The following KLHL3 variants were observed in gnomAD, a reference collection of about 807,000 sequenced individuals.
The protein encoded by KLHL3 is kelch-like protein 3.
Under a neutral mutation model 70.5 loss-of-function variants are expected in KLHL3, and 19 were observed. That is an observed-to-expected ratio of 0.27 (90% CI 0.19 to 0.40). KLHL3 has a LOEUF of 0.40. KLHL3 is among the 10% of genes least tolerant of loss of function. The pLI is 1.00. For missense variants in KLHL3, 512 were observed against 771.1 expected, an observed-to-expected ratio of 0.66 and a Z score of 3.98; for synonymous variants, 258 against 290.3, an observed-to-expected ratio of 0.89 and a Z score of 1.13.
At chr5:137,672,879 A>T (rs1225258040) in intron 6 of KLHL3, 2 of 152,186 alleles carry the variant, frequency 1.3e-5, no homozygotes, top group Non-Finnish European at 2.9e-5. Context: ...AATACAATAA[A>T]CATGCCGTCA....
intron 3 of KLHL3, among the ~76,000 whole-genome samples, chr5:137,704,711 G>C (rs1409282944): frequency 6.6e-6 from 1 of 152,170 alleles, no homozygotes; most frequent in East Asian, 1.9e-4. Context: ...CTATTCCTGA[G>C]CACCACACAG....
chr5:137,731,533 C>T (rs1753173960), intron 1 of KLHL3, among the ~76,000 whole-genome samples: 1 of 152,250 alleles, frequency 6.6e-6, no homozygotes, highest in Non-Finnish European at 1.5e-5. Flanking sequence ...CTCTATCTGT[C>T]GTTCCTGGAT....
chr5:137,706,736 T>C (rs1449941966), intron 3 of KLHL3, among the ~76,000 whole-genome samples: 1 of 152,250 alleles, frequency 6.6e-6, no homozygotes, highest in Non-Finnish European at 1.5e-5. Context: ...AGGTTGTAAC[T>C]GCAATTTCAT....
intron 6 of KLHL3, among the ~76,000 whole-genome samples, chr5:137,669,800 C>A (rs1233842714): frequency 1.3e-5 from 2 of 152,126 alleles, no homozygotes; most frequent in African/African-American, 4.8e-5. Flanking sequence ...AAGATTTGAG[C>A]CATACGCAAA....
intron 6 of KLHL3, among the ~76,000 whole-genome samples, chr5:137,663,636 C>A (rs1751542828): frequency 1.3e-5 from 2 of 152,138 alleles, no homozygotes; most frequent in African/African-American, 4.8e-5. Context: ...GGTGTTGCAG[C>A]AAATTCAAAT....
chr5:137,716,890 G>A (rs1329045684), intron 2 of KLHL3, among the ~76,000 whole-genome samples: 4 of 152,244 alleles, frequency 2.6e-5, no homozygotes, highest in African/African-American at 9.6e-5. Context: ...CGGTTACCAA[G>A]AGAGGGGGTC....
At chr5:137,633,979 T>G (rs112258494) in intron 12 of KLHL3, 58 bp downstream of exon 12, 53,227 of 1,610,242 alleles carry the variant, frequency 0.033, 1,024 homozygotes, top group Non-Finnish European at 0.039. Flanking sequence ...ACAAAAAAAT[T>G]TAAGGACCCA....
At position 137,639,776 on chromosome 5, in the gene KLHL3, G is replaced by A; in HGVS notation, c.1021+84C>T. 1 of 970,296 alleles carries A rather than the reference G, an allele frequency of 1.0e-6. No homozygotes were observed. Among genetic ancestry groups the A allele is most frequent in the South Asian group, 1.4e-5 (1 of 73,636 alleles). 60.1% of individuals were successfully genotyped at this position (970,296 alleles called of 1,614,324 possible). On this transcript the variant is annotated intron_variant, in intron 9 of 14. Transcript: ENST00000309755. This position sits in a 1 kb window ranked among gnomAD's most constrained non-coding sequence, Gnocchi z 5.0. ...AGCCTGAAATGCACAGATGCTTGAG[G>A]AAACAAGGAGTAGCTCACGACTTCT...
At chr5:137,640,878 A>G (rs954106973) in intron 8 of KLHL3, among the ~76,000 whole-genome samples, 3 of 151,728 alleles carry the variant, frequency 2.0e-5, no homozygotes, top group African/African-American at 7.2e-5. Flanking sequence ...TTTTAAAAGC[A>G]CAGAAAATAT....
intron 4 of KLHL3, among the ~76,000 whole-genome samples, chr5:137,697,047 C>T (rs1459375731): frequency 6.6e-6 from 1 of 152,172 alleles, no homozygotes; most frequent in Non-Finnish European, 1.5e-5. Flanking sequence ...CCTCGGTGCA[C>T]CAAATCCTCA....
chr5:137,634,258 C>G (rs1326634293), intron 11 of KLHL3, 93 bp from the exon 12 acceptor site: 2 of 1,396,478 alleles, frequency 1.4e-6, no homozygotes, highest in Non-Finnish European at 1.9e-6. Context: ...ACTGGGGCAC[C>G]CTTACCTCAG....
chr5:137,697,542 CCAAA>C (rs755587602), intron 4 of KLHL3, among the ~76,000 whole-genome samples: 11 of 152,138 alleles, frequency 7.2e-5, no homozygotes, highest in Non-Finnish European at 1.6e-4. Context: ...TTAAAAGTCC[CCAAA>C]CAATGAGGTT....
chr5:137,731,280 A>G (rs1484614629), intron 1 of KLHL3, among the ~76,000 whole-genome samples: 2 of 152,208 alleles, frequency 1.3e-5, no homozygotes, highest in African/African-American at 4.8e-5. Context: ...TTCAATTATC[A>G]TGGTTGAAAT....
chr5:137,702,873 G>T (rs1158407741), intron 3 of KLHL3, among the ~76,000 whole-genome samples: 1 of 152,146 alleles, frequency 6.6e-6, no homozygotes, highest in Non-Finnish European at 1.5e-5. Context: ...TTAGGTAAAA[G>T]CATCCAAGTC....
At chr5:137,716,344 ATGTTTGTT>A (rs57002774) in intron 2 of KLHL3, among the ~76,000 whole-genome samples, 12,001 of 150,534 alleles carry the variant, frequency 0.08, 1,047 homozygotes, top group African/African-American at 0.22. Context: ...ACTAAGGCAT[ATGTTTGTT>A]TGTTTGTTTG....
At chr5:137,689,555 A>G (rs754225710) in intron 5 of KLHL3, among the ~76,000 whole-genome samples, 2 of 152,256 alleles carry the variant, frequency 1.3e-5, no homozygotes, top group Non-Finnish European at 2.9e-5. Context: ...CCATTATCCT[A>G]AGTTAATTAA....
At chr5:137,729,527 C>T (rs892099049) in intron 1 of KLHL3, among the ~76,000 whole-genome samples, 11 of 152,150 alleles carry the variant, frequency 7.2e-5, no homozygotes, top group African/African-American at 2.7e-4. Context: ...TTGGCCTCCC[C>T]CGTGGTTGTC....
chr5:137,667,126 T>G (rs1221214055), intron 6 of KLHL3, among the ~76,000 whole-genome samples: 5 of 152,220 alleles, frequency 3.3e-5, no homozygotes, highest in Non-Finnish European at 7.3e-5. Flanking sequence ...AATAAAATTA[T>G]GTTGGAAGGC....
At chr5:137,677,014 G>A (rs1405844942) in intron 6 of KLHL3, among the ~76,000 whole-genome samples, 1 of 152,142 alleles carries the variant, frequency 6.6e-6, no homozygotes, top group African/African-American at 2.4e-5. Context: ...GTAAATAGTG[G>A]CAGCTTTGTC....
Sources: gnomAD v4.1 joint callset for allele counts (sites outside exome capture counted in the v4.1 genomes callset) on GRCh38, gnomAD v4.1.1 for gene constraint, Gnocchi (gnomAD v3.1) non-coding constraint, MANE v1.5 for transcripts, NCBI Gene and HGNC (gene_info 2026-07-23, HGNC 2026-07-21) for gene names.